Variants in OSBPL8 observed in about 807,000 individuals in gnomAD.
OSBPL8 encodes the protein oxysterol binding protein like 8, also known as oxysterol-binding protein-related protein 8.
A neutral mutation model predicts 125.5 loss-of-function variants in OSBPL8; 59 were observed. That is an observed-to-expected ratio of 0.47 (90% CI 0.38 to 0.58). The LOEUF (loss-of-function observed/expected upper bound fraction) is 0.58. OSBPL8 is among the 20% of genes least tolerant of loss of function. OSBPL8 has a pLI of 0.00. For synonymous variants in OSBPL8, 330 were observed against 338.9 expected, an observed-to-expected ratio of 0.97 and a Z score of 0.29; for missense variants, 758 against 1,047.8, an observed-to-expected ratio of 0.72 and a Z score of 3.82.
At chr12:76,484,563 G>A (rs920334609) in intron 2 of OSBPL8, among the ~76,000 whole-genome samples, 1 of 152,090 alleles carries the variant, frequency 6.6e-6, no homozygotes, top group Non-Finnish European at 1.5e-5. Context: ...AATAACTTTG[G>A]GAGGTAGATA....
intron 4 of OSBPL8, among the ~76,000 whole-genome samples, chr12:76,439,403 C>T (rs770737434): frequency 4.0e-5 from 6 of 151,414 alleles, no homozygotes; most frequent in Non-Finnish European, 5.9e-5. Flanking sequence ...ATATACAGCA[C>T]ACATTCCAAA....
chr12:76,460,022 A>G (rs1874526062), intron 2 of OSBPL8, 127 bp from the exon 3 acceptor site: 10 of 823,750 alleles, frequency 1.2e-5, no homozygotes. Context: ...ATAAGTAGAA[A>G]GCACATGCAC....
intron 4 of OSBPL8, among the ~76,000 whole-genome samples, chr12:76,436,495 C>T (rs1381647198): frequency 2.6e-5 from 4 of 151,478 alleles, no homozygotes; most frequent in South Asian, 2.1e-4. Flanking sequence ...TCTGCATTTT[C>T]GTCTTAATAA....
In OSBPL8 at chr12:76,352,074, T is replaced by C. The variant is rs1430867977; in HGVS notation, c.*3815A>G. 1 of 152,530 alleles carries C rather than the reference T, an allele frequency of 6.6e-6. No individual in the cohort carries two copies. Among genetic ancestry groups the C allele is most frequent in the African/African-American group, 2.4e-5 (1 of 41,468 alleles). The allele number at this position is 152,530 out of a possible 1,614,324, so 9.4% of individuals were successfully genotyped here. On this transcript the variant is annotated 3_prime_UTR_variant, in exon 24 of 24. Transcript: ENST00000261183. ...TGACCAGTGGTAGTGCTTGAATTTA[T>C]GAATGGCCATTAAACAGAACATTTA... is the stretch of plus-strand genomic sequence containing the variant.
chr12:76,394,576 T>C, intron 9 of OSBPL8, 69 bp downstream of exon 9: 4 of 1,080,932 alleles, frequency 3.7e-6, no homozygotes, highest in Non-Finnish European at 4.2e-6. Flanking sequence ...CCCAGAATAA[T>C]ACAAAGTGGC....
intron 4 of OSBPL8, among the ~76,000 whole-genome samples, chr12:76,447,378 A>G (rs1301231971): frequency 6.6e-6 from 1 of 152,228 alleles, no homozygotes; most frequent in Non-Finnish European, 1.5e-5. Context: ...CACTCCCTAC[A>G]AAGTATTCTT....
chr12:76,487,679 G>T, intron 1 of OSBPL8, 61 bp from the exon 2 acceptor site: 1 of 587,584 alleles, frequency 1.7e-6, no homozygotes, highest in Non-Finnish European at 2.6e-6. Flanking sequence ...TAGAAATAAA[G>T]CATTGAGTTT....
At chr12:76,487,265 A>G (rs1437165715) in intron 2 of OSBPL8, among the ~76,000 whole-genome samples, 1 of 152,054 alleles carries the variant, frequency 6.6e-6, no homozygotes, top group Non-Finnish European at 1.5e-5. Context: ...TCCTGAGCTC[A>G]GGTAATCCAC....
rs1951874094 is a variant in OSBPL8, at chr12:76,352,982, T to G, written c.*2907A>C. ...AGATAGTATTATTGTTTAAATATAC[T>G]ATAGCTATATAAAAAGAAAGTAACA... On this transcript the variant is annotated 3_prime_UTR_variant, in exon 24 of 24. Coordinates refer to ENST00000261183, the MANE Select transcript of OSBPL8 (RefSeq NM_020841.5). 2.0e-5 allele frequency: 3 copies of G among 152,492 alleles called. No homozygotes were observed. The South Asian group carries it at 6.2e-4, about 32-fold the overall frequency. 9.4% of individuals were successfully genotyped at this position (152,492 alleles called of 1,614,324 possible).
intron 21 of OSBPL8, chr12:76,366,659 G>A (rs1952428027): frequency 5.0e-6 from 2 of 403,880 alleles, no homozygotes; most frequent in South Asian, 3.7e-5. Flanking sequence ...CTCTCTTAAT[G>A]TAGATGTTCA....
At chr12:76,444,385 G>A (rs925070316) in intron 4 of OSBPL8, among the ~76,000 whole-genome samples, 1 of 152,128 alleles carries the variant, frequency 6.6e-6, no homozygotes, top group Non-Finnish European at 1.5e-5. Context: ...TTTGAAAACT[G>A]AGATAACAGT....
chr12:76,496,893 G>A (rs11114261), intron 1 of OSBPL8, among the ~76,000 whole-genome samples: 1 of 151,530 alleles, frequency 6.6e-6, no homozygotes, highest in African/African-American at 2.4e-5. Context: ...CTGTTGCTCA[G>A]GCTGGTCTTG....
intron 5 of OSBPL8, among the ~76,000 whole-genome samples, chr12:76,403,887 GAAGAA>G (rs1565868151): frequency 1.3e-5 from 2 of 152,062 alleles, no homozygotes; most frequent in African/African-American, 2.4e-5. Context: ...TGTATCACCC[GAAGAA>G]AAGAATGAAC....
At chr12:76,479,048 G>C (rs1018951745) in intron 2 of OSBPL8, among the ~76,000 whole-genome samples, 1 of 152,178 alleles carries the variant, frequency 6.6e-6, no homozygotes, top group African/African-American at 2.4e-5. Flanking sequence ...GCGACAGAGC[G>C]AGACTCTGTC....
chr12:76,525,749 AT>A (rs1318569617), intron 1 of OSBPL8, among the ~76,000 whole-genome samples: 2 of 152,260 alleles, frequency 1.3e-5, no homozygotes, highest in African/African-American at 4.8e-5. Flanking sequence ...TAAAAGAAAA[AT>A]GTCCCCAAAT....
At chr12:76,395,650 G>A (rs1489210338) in intron 8 of OSBPL8, among the ~76,000 whole-genome samples, 3 of 152,108 alleles carry the variant, frequency 2.0e-5, no homozygotes, top group African/African-American at 7.2e-5. Context: ...TTTCAATCAT[G>A]GCTCCATGCT....
rs1592536026 is a variant in OSBPL8, at chr12:76,369,311, T to TG, written c.2241-11dup. On this transcript the variant is annotated splice_polypyrimidine_tract_variant and intron_variant, in intron 20 of 23. Coordinates refer to ENST00000261183, the MANE Select transcript of OSBPL8 (RefSeq NM_020841.5). ...GTCCCATGGTCGGGTACTACATAAA[T>TG]GAAAAAAAAAAAAACCATTTGCTCA... The TG allele has an allele frequency of 2.7e-6, 4 of 1,485,412 alleles. No homozygotes were observed. The East Asian group carries it at 1.1e-4, about 40-fold the overall frequency. The allele number at this position is 1,485,412 out of a possible 1,614,324, so 92.0% of individuals were successfully genotyped here. A position where few individuals can be genotyped will look rare whatever the true frequency, so the allele number is the denominator to read the frequency against.
chr12:76,540,920 C>G lies in OSBPL8; in HGVS notation c.-68+18477G>C, dbSNP rs542133708. ...TACAGCAATCAAGAAAAGTAAAAGT[C>G]TGAATTATAAAATGCATTTAAAAAC... On this transcript the variant is annotated intron_variant, in intron 1 of 23. Coordinates refer to ENST00000261183, the MANE Select transcript of OSBPL8 (RefSeq NM_020841.5). Among the ~76,000 whole-genome samples, 45 of 152,194 alleles carry G rather than the reference C, an allele frequency of 3.0e-4. No homozygotes were observed. The Middle Eastern group carries it at 0.014, about 46-fold the overall frequency.
chr12:76,366,713 G>T, intron 21 of OSBPL8: 1 of 250,884 alleles, frequency 4.0e-6, no homozygotes, highest in Non-Finnish European at 7.9e-6. Context: ...CGTAAGTTTT[G>T]TTATACTATA....
Sources: allele counts gnomAD v4.1 joint callset (sites outside exome capture counted in the v4.1 genomes callset), GRCh38; gene constraint gnomAD v4.1.1; transcripts MANE v1.5; gene names NCBI Gene and HGNC (gene_info 2026-07-23, HGNC 2026-07-21).